CRYBG1: variants seen among roughly 807,000 people sequenced by gnomAD.
CRYBG1 encodes crystallin beta-gamma domain containing 1, also known as beta/gamma crystallin domain-containing protein 1.
In CRYBG1, 139 loss-of-function variants were observed where a neutral mutation model predicts 189.2. The observed-to-expected ratio is 0.73, with a 90% CI of 0.64 to 0.85. The LOEUF (loss-of-function observed/expected upper bound fraction) is 0.85, where lower values mean the gene tolerates loss of function less well. CRYBG1 is among the 40% of genes least tolerant of loss of function. The pLI is 0.00. For synonymous variants in CRYBG1, 1,023 were observed against 1,017.1 expected (o/e 1.01, Z -0.11); for missense variants, 2,611 against 2,675.8 (o/e 0.98, Z 0.53).
At chr6:106,451,498 A>G (rs942947196) in intron 1 of CRYBG1, 196 bp from the exon 2 acceptor site, 2 of 442,568 alleles carry the variant, frequency 4.5e-6, no homozygotes, top group African/African-American at 4.0e-5. Flanking sequence ...GCACAGGGTG[A>G]AGTCATCCAG....
chr6:106,399,725 C>T (rs1043598268), intron 1 of CRYBG1, among the ~76,000 whole-genome samples: 1 of 149,776 alleles, frequency 6.7e-6, no homozygotes, highest in Non-Finnish European at 1.5e-5. Flanking sequence ...GGTGTGAACA[C>T]AGCTTACTGT....
rs542186282 is a variant in CRYBG1, at chr6:106,497,961, C to T, written c.313-13469C>T. 2.8e-4 allele frequency among the ~76,000 whole-genome samples: 42 copies of T among 152,086 alleles called. No individual in the cohort carries two copies. In the South Asian group the frequency reaches 7.9e-3, roughly 29 times the overall value. On this transcript the variant is annotated intron_variant, in intron 2 of 21. Transcript: ENST00000633556. ...CAAAAAAAAATTAAAAATAGCTGGG[C>T]GTGGTGGCGCACGCCTGTAGTCCCA...
chr6:106,446,564 T>C (rs534179372), intron 1 of CRYBG1, among the ~76,000 whole-genome samples: 2 of 150,986 alleles, frequency 1.3e-5, no homozygotes, highest in East Asian at 3.9e-4. Flanking sequence ...TACATTACTA[T>C]AAAACAAGAA....
intron 2 of CRYBG1, among the ~76,000 whole-genome samples, chr6:106,491,055 G>C (rs777440608): frequency 9.2e-5 from 14 of 152,180 alleles, no homozygotes; most frequent in African/African-American, 3.4e-4. Context: ...AAAACTACAG[G>C]CTTGCTATAT....
chr6:106,395,691 G>A (rs945684384), intron 1 of CRYBG1, among the ~76,000 whole-genome samples: 1 of 152,002 alleles, frequency 6.6e-6, no homozygotes, highest in African/African-American at 2.4e-5. Flanking sequence ...CTTAAGTGGT[G>A]ATTTTGCCAT....
intron 7 of CRYBG1, among the ~76,000 whole-genome samples, chr6:106,527,861 T>G (rs1314278208): frequency 6.6e-6 from 1 of 152,202 alleles, no homozygotes; most frequent in East Asian, 1.9e-4. Flanking sequence ...AAATAAATAA[T>G]CCAAAAATAA....
At chr6:106,468,981 A>T (rs1772168588) in intron 2 of CRYBG1, among the ~76,000 whole-genome samples, 2 of 152,040 alleles carry the variant, frequency 1.3e-5, no homozygotes, top group South Asian at 2.1e-4. Flanking sequence ...TCTGCATGTA[A>T]CTTTCCCAGT....
At chr6:106,395,360 A>T (rs1178492418) in intron 1 of CRYBG1, among the ~76,000 whole-genome samples, 1 of 151,532 alleles carries the variant, frequency 6.6e-6, no homozygotes, top group Non-Finnish European at 1.5e-5. Context: ...TTCTGATCTT[A>T]TCTTTATATT....
chr6:106,458,931 G>C (rs1374737062), intron 2 of CRYBG1, among the ~76,000 whole-genome samples: 1 of 152,170 alleles, frequency 6.6e-6, no homozygotes, highest in East Asian at 1.9e-4. Context: ...AGGTTCACAA[G>C]TTGGGCATTC....
chr6:106,380,349 C>T (rs1210602883), intron 1 of CRYBG1, among the ~76,000 whole-genome samples: 2 of 152,108 alleles, frequency 1.3e-5, no homozygotes, highest in Admixed American at 1.3e-4. Context: ...TTCTGGAACC[C>T]AAAATTCAGG....
In CRYBG1 at chr6:106,512,069, A is replaced by AGT. The variant is rs1562095485; in HGVS notation, c.960_961dup (p.Ala321ValfsTer57). On this transcript the variant is annotated frameshift_variant, in exon 3 of 22. Coordinates refer to ENST00000633556, the MANE Select transcript of CRYBG1 (RefSeq NM_001371242.2). LOFTEE classifies it high-confidence loss of function. Reference sequence around the variant, plus strand: ...AGGCGAGGCCCCTAACGGAGCCCCCAGTGTGTGTGCCGAAGAAGGCTCCCT... The same window carrying AGT: ...AGGCGAGGCCCCTAACGGAGCCCCCAGTGTGTGTGTGCCGAAGAAGGCTCCCT... 2.0e-6 allele frequency: 3 copies of AGT among 1,534,104 alleles called. No homozygotes were observed. Among genetic ancestry groups the AGT allele is most frequent in the Admixed American group, 2.0e-5 (1 of 50,884 alleles).
At chr6:106,374,886 T>A (rs766576474) in intron 1 of CRYBG1, among the ~76,000 whole-genome samples, 3 of 152,234 alleles carry the variant, frequency 2.0e-5, no homozygotes, top group Admixed American at 1.3e-4. Context: ...AACATGTACT[T>A]ACGACATCAG....
chr6:106,385,593 C>A (rs1770370535), intron 1 of CRYBG1, among the ~76,000 whole-genome samples: 1 of 152,202 alleles, frequency 6.6e-6, no homozygotes, highest in Non-Finnish European at 1.5e-5. Context: ...ATAACATCTT[C>A]ATGCACATCC....
Position 106,511,702 on chromosome 6 carries a change from C to A in CRYBG1, c.585C>A (p.Gly195=). Residue 195 remains glycine, a synonymous_variant, in exon 3 of 22, where the codon GGC becomes GGA. Transcript: ENST00000633556. ...SPRENPREAE[G]ELPESGGPAA... is the part of the protein sequence containing the mutation. Reference sequence around the variant, plus strand: ...GGGAGAATCCCCGAGAGGCAGAGGGCGAGCTCCCCGAGAGCGGTGGCCCCG... The same window carrying A: ...GGGAGAATCCCCGAGAGGCAGAGGGAGAGCTCCCCGAGAGCGGTGGCCCCG... 6.5e-7 allele frequency: 1 copy of A among 1,535,348 alleles called. No homozygotes were observed. Among genetic ancestry groups the A allele is most frequent in the Non-Finnish European group, 8.7e-7 (1 of 1,146,550 alleles).
At chr6:106,401,156 A>G (rs1562296670) in intron 1 of CRYBG1, among the ~76,000 whole-genome samples, 1 of 152,226 alleles carries the variant, frequency 6.6e-6, no homozygotes. Flanking sequence ...TACTAAATCT[A>G]AAATTATGAA....
At chr6:106,506,854 T>C (rs1052603558) in intron 2 of CRYBG1, among the ~76,000 whole-genome samples, 3 of 152,108 alleles carry the variant, frequency 2.0e-5, no homozygotes, top group Non-Finnish European at 4.4e-5. Flanking sequence ...CCATAGTTAC[T>C]ATAAAAAGGA....
chr6:106,450,840 T>C (rs1299664594), intron 1 of CRYBG1, among the ~76,000 whole-genome samples: 5 of 152,162 alleles, frequency 3.3e-5, no homozygotes, highest in Admixed American at 1.3e-4. Flanking sequence ...TCACATCCCA[T>C]TGGTCAGGAC....
At chr6:106,363,101 G>A (rs1352602607) in intron 1 of CRYBG1, among the ~76,000 whole-genome samples, 1 of 150,954 alleles carries the variant, frequency 6.6e-6, no homozygotes, top group Non-Finnish European at 1.5e-5. Context: ...AAAATTAGCC[G>A]GGCATGGTGG....
chr6:106,494,972 C>T (rs118135605), intron 2 of CRYBG1, among the ~76,000 whole-genome samples: 646 of 152,284 alleles, frequency 4.2e-3, no homozygotes, highest in Non-Finnish European at 7.8e-3. Flanking sequence ...TCTTTCTCTA[C>T]CTACTTCCTA....
Sources: allele counts gnomAD v4.1 joint callset (sites outside exome capture counted in the v4.1 genomes callset), GRCh38; gene constraint gnomAD v4.1.1; transcripts MANE v1.5; gene names NCBI Gene and HGNC (gene_info 2026-07-23, HGNC 2026-07-21).